The following CLPTM1L variants were observed in gnomAD, a reference collection of about 807,000 sequenced individuals.
CLPTM1L encodes the protein lipid scramblase CLPTM1L.
In CLPTM1L, 38 loss-of-function variants were observed where a neutral mutation model predicts 70.9. That is an observed-to-expected ratio of 0.54 (90% CI 0.41 to 0.70). The LOEUF is 0.70. Among genes scored for constraint, CLPTM1L ranks in the 30% least tolerant of loss-of-function variants. CLPTM1L has a pLI of 0.00. For synonymous variants in CLPTM1L, 339 were observed against 299.9 expected, an observed-to-expected ratio of 1.13 and a Z score of -1.35; for missense variants, 652 against 705.9, an observed-to-expected ratio of 0.92 and a Z score of 0.87.
At chr5:1,321,572 GA>G in intron 15 of CLPTM1L, 62 bp downstream of exon 15, 1 of 1,460,892 alleles carries the variant, frequency 6.8e-7, no homozygotes, top group Non-Finnish European at 9.6e-7. Flanking sequence ...CTGTTGGCTG[GA>G]AGACGCCCTT....
intron 9 of CLPTM1L, chr5:1,326,197 G>A: frequency 3.7e-6 from 1 of 271,298 alleles, no homozygotes; most frequent in South Asian, 5.6e-5. Flanking sequence ...CTAAATGCTT[G>A]GAAGGCATCA....
rs1003301308 is a variant in CLPTM1L, at chr5:1,318,081, C to T, written c.*288G>A. 7 of 430,422 alleles carry T rather than the reference C, an allele frequency of 1.6e-5. No individual in the cohort carries two copies. The highest frequency in any genetic ancestry group is 4.3e-5 in the Admixed American group (1 of 23,224). 26.7% of individuals were successfully genotyped at this position (430,422 alleles called of 1,614,324 possible). A position where few individuals can be genotyped will look rare whatever the true frequency, so the allele number is the denominator to read the frequency against. ...CTGTGAGGGCTCCCACCCCTGCCCGCGTGAGGACATGGCCGAACCCCGGAC... is the reference window on the plus strand; with the variant it reads ...CTGTGAGGGCTCCCACCCCTGCCCGTGTGAGGACATGGCCGAACCCCGGAC... On this transcript the variant is annotated 3_prime_UTR_variant, in exon 17 of 17. Transcript: ENST00000320895. This position sits in a 1 kb window ranked among gnomAD's most constrained non-coding sequence, Gnocchi z 8.9.
In CLPTM1L at chr5:1,342,472, G is replaced by C. The variant is rs1003571114; in HGVS notation, c.264-612C>G. ...GGCCCGGCGAGCTGCTACAACTGTAGGCCTCGGACCAGGTGCCTGGCTCTT... is the reference window on the plus strand; with the variant it reads ...GGCCCGGCGAGCTGCTACAACTGTACGCCTCGGACCAGGTGCCTGGCTCTT... On this transcript the variant is annotated intron_variant, in intron 2 of 16. Coordinates refer to ENST00000320895, the MANE Select transcript of CLPTM1L (RefSeq NM_030782.5). This position sits in a 1 kb window ranked among gnomAD's most constrained non-coding sequence, Gnocchi z 4.3. Among the ~76,000 whole-genome samples, 1 of 152,194 alleles carries C rather than the reference G, an allele frequency of 6.6e-6. No individual in the cohort carries two copies. Among genetic ancestry groups the C allele is most frequent in the Non-Finnish European group, 1.5e-5 (1 of 68,036 alleles).
chr5:1,330,325 C>T lies in CLPTM1L; in HGVS notation c.1035G>A (p.Thr345=), dbSNP rs1396167803. 8.1e-6 allele frequency: 13 copies of T among 1,612,724 alleles called. No individual in the cohort carries two copies. The highest frequency in any genetic ancestry group is 2.7e-5 in the African/African-American group (2 of 74,928). ...VIFLFLLDEQ[T]SLLVLVPAGV... ...CCGCCGGGACCAGCACCAGCAGGCTCGTCTGCTCGTCCAGCAGGAACAGAA... is the reference window on the plus strand; with the variant it reads ...CCGCCGGGACCAGCACCAGCAGGCTTGTCTGCTCGTCCAGCAGGAACAGAA... Residue 345 remains threonine, a synonymous_variant, in exon 9 of 17, where the codon ACG becomes ACA. Transcript: ENST00000320895.
At chr5:1,324,740 G>A (rs1261031098) in intron 11 of CLPTM1L, 23 bp downstream of exon 11, 1 of 1,610,668 alleles carries the variant, frequency 6.2e-7, no homozygotes, top group Admixed American at 1.7e-5. Flanking sequence ...GCATGCACGT[G>A]CCCTGAATCA....
rs1752879195 is a variant in CLPTM1L at position 1,328,976 on chromosome 5, A to ACAGCTCCTCCTCTACAGAGACATTCCACC, written c.1080+1303_1080+1304insGGTGGAATGTCTCTGTAGAGGAGGAGCTG. On this transcript the variant is annotated intron_variant, in intron 9 of 16. Coordinates refer to ENST00000320895, the MANE Select transcript of CLPTM1L (RefSeq NM_030782.5). Reference sequence around the variant, plus strand: ...CTCCTCCTCTACAGACACATTTCATACAGCTCCTCCTCTACAGAGACATTG... The same window carrying ACAGCTCCTCCTCTACAGAGACATTCCACC: ...CTCCTCCTCTACAGACACATTTCATACAGCTCCTCCTCTACAGAGACATTCCACCCAGCTCCTCCTCTACAGAGACATTG... Among the ~76,000 whole-genome samples, 7 of 134,056 alleles carry ACAGCTCCTCCTCTACAGAGACATTCCACC rather than the reference A, an allele frequency of 5.2e-5. No homozygotes were observed. The South Asian group carries it at 1.5e-3, about 29-fold the overall frequency. The allele number at this position is 134,056 out of a possible 152,430, so 87.9% of individuals were successfully genotyped here.
At chr5:1,319,517 T>G (rs1484412174) in intron 16 of CLPTM1L, among the ~76,000 whole-genome samples, 1 of 151,990 alleles carries the variant, frequency 6.6e-6, no homozygotes, top group African/African-American at 2.4e-5. Context: ...CCTGGCGAGG[T>G]TGAGTGTGGA....
chr5:1,329,536 ACT>A (rs1194655627), intron 9 of CLPTM1L, among the ~76,000 whole-genome samples: 3 of 124,976 alleles, frequency 2.4e-5, no homozygotes, highest in Admixed American at 8.1e-5. Context: ...GAGCCTCAGG[ACT>A]CTCTGCTTGG....
In CLPTM1L at chr5:1,325,756, A is replaced by T; in HGVS notation, c.1141T>A (p.Phe381Ile). ...CCATTACAACTAAATCCTACCTGAAATTCGGGCATCAGGCCTCTCCAAAAA... is the reference window on the plus strand; with the variant it reads ...CCATTACAACTAAATCCTACCTGAATTTCGGGCATCAGGCCTCTCCAAAAA... The part of the protein sequence containing the change: ...TIFWRGLMPE[F>I]QFGTYSESER... The change falls in exon 10 of 17, where the codon TTT (phenylalanine) becomes ATT (isoleucine). Residue 381 changes from phenylalanine (F) to isoleucine (I), a missense_variant. By Grantham distance (21) the Phe-to-Ile change is conservative. Around this residue, in one of 3 missense-constraint regions of CLPTM1L, gnomAD observed 240 missense variants for 295.0 expected, o/e 0.81. Transcript: ENST00000320895. The T allele has an allele frequency of 6.2e-7, 1 of 1,613,364 alleles. No individual in the cohort carries two copies. The highest frequency in any genetic ancestry group is 8.5e-7 in the Non-Finnish European group (1 of 1,179,332).
At chr5:1,332,997 GATAAGGGGGGAAT>G in intron 7 of CLPTM1L, among the ~76,000 whole-genome samples, 8 of 150,262 alleles carry the variant, frequency 5.3e-5, no homozygotes, top group African/African-American at 2.0e-4. Context: ...ACGGGATGAG[GATAAGGGGGGAAT>G]ACTGTAGACA....
At chr5:1,336,332 G>C (rs947020687) in intron 5 of CLPTM1L, among the ~76,000 whole-genome samples, 3 of 152,228 alleles carry the variant, frequency 2.0e-5, no homozygotes, top group African/African-American at 7.2e-5. Context: ...ACACATGAGA[G>C]AGACTGTGAT....
At chr5:1,324,617 T>C (rs1752399961) in intron 11 of CLPTM1L, 146 bp downstream of exon 11, 2 of 770,656 alleles carry the variant, frequency 2.6e-6, no homozygotes, top group South Asian at 3.4e-5. Flanking sequence ...TTGGGTTTTA[T>C]GTGTTCACTC....
chr5:1,335,241 C>T (rs1350772562), intron 5 of CLPTM1L, 67 bp from the exon 6 acceptor site: 18 of 1,301,124 alleles, frequency 1.4e-5, no homozygotes, highest in East Asian at 1.2e-4. Flanking sequence ...TGGCAGCCCT[C>T]GCCAACCCTG....
intron 7 of CLPTM1L, among the ~76,000 whole-genome samples, chr5:1,333,695 C>T (rs199657245): frequency 1.9e-3 from 67 of 35,092 alleles, no homozygotes; most frequent in Admixed American, 2.4e-3. Context: ...GTAGACACAC[C>T]GCAAGAGGAT....
At chr5:1,327,628 G>C in intron 9 of CLPTM1L, among the ~76,000 whole-genome samples, 1 of 149,124 alleles carries the variant, frequency 6.7e-6, no homozygotes, top group Admixed American at 6.6e-5. Context: ...CTCCTCTACA[G>C]ACACATTCCA....
chr5:1,323,707 C>A (rs1029550675), intron 12 of CLPTM1L, 80 bp downstream of exon 12: 44 of 1,271,446 alleles, frequency 3.5e-5, no homozygotes, highest in Non-Finnish European at 4.9e-5. Context: ...GCCCTCCAGT[C>A]GCACCCCGCT....
At chr5:1,338,172 T>C in intron 4 of CLPTM1L, 190 bp from the exon 5 acceptor site, 2 of 607,898 alleles carry the variant, frequency 3.3e-6, no homozygotes, top group Non-Finnish European at 5.9e-6. Flanking sequence ...ATATGCACGC[T>C]TGTGAGACCC....
rs769044531 is a variant in CLPTM1L at position 1,334,296 on chromosome 5, G to T, written c.884C>A (p.Ala295Glu). The change falls in exon 7 of 17, where the codon GCG (alanine) becomes GAG (glutamate). Residue 295 changes from alanine to glutamate, a missense_variant. Coordinates refer to ENST00000320895, the MANE Select transcript of CLPTM1L (RefSeq NM_030782.5). The part of the protein sequence containing the change: ...YFLALTFFVA[A>E]FHLLFDFLAF... ...CCCCGGTGGATGACTCACATGGAAC[G>T]CTGCGACAAAGAAGGTCAGCGCCAG... 8.1e-6 allele frequency: 13 copies of T among 1,613,036 alleles called. No homozygotes were observed. Among genetic ancestry groups the T allele is most frequent in the Non-Finnish European group, 8.5e-7 (1 of 1,179,258 alleles).
In CLPTM1L at chr5:1,318,592, GT is replaced by G; in HGVS notation, c.1533-140del. The G allele has an allele frequency of 1.4e-6, 1 of 690,066 alleles. No individual in the cohort carries two copies. The highest frequency in any genetic ancestry group is 2.5e-6 in the Non-Finnish European group (1 of 399,100). 42.7% of individuals were successfully genotyped at this position (690,066 alleles called of 1,614,324 possible). On this transcript the variant is annotated intron_variant, in intron 16 of 16. Coordinates refer to ENST00000320895, the MANE Select transcript of CLPTM1L (RefSeq NM_030782.5). This position sits in a 1 kb window ranked among gnomAD's most constrained non-coding sequence, Gnocchi z 8.9. The stretch of plus-strand genomic sequence containing the variant: ...TAACTAAAAAGTCGAATCCTCAGAA[GT>G]TTTACTGCCGAGGGCTGAGGAGGGA...
Sources: allele counts gnomAD v4.1 joint callset (sites outside exome capture counted in the v4.1 genomes callset), GRCh38; gene constraint gnomAD v4.1.1; regional missense constraint gnomAD v4.1.1; non-coding constraint Gnocchi (gnomAD v3.1); transcripts MANE v1.5; gene names NCBI Gene and HGNC (gene_info 2026-07-23, HGNC 2026-07-21).